ALG14: variants seen among roughly 807,000 people sequenced by gnomAD.
ALG14 encodes the protein ALG14 UDP-N-acetylglucosaminyltransferase subunit.
A neutral mutation model predicts 22.8 loss-of-function variants in ALG14; 17 were observed. The ratio of observed to expected loss-of-function variants is 0.75; its 90% confidence interval spans 0.51 to 1.12. The LOEUF is 1.12. Among genes scored for constraint, ALG14 ranks in the 50% most tolerant of loss-of-function variants. ALG14 has a pLI of 0.00. For synonymous variants in ALG14, 89 were observed against 103.7 expected (o/e 0.86, Z 0.86); for missense variants, 288 against 271.8 (o/e 1.06, Z -0.42).
intron 3 of ALG14, among the ~76,000 whole-genome samples, chr1:94,988,493 T>C (rs536259259): frequency 2.8e-4 from 43 of 152,230 alleles, no homozygotes; most frequent in Admixed American, 1.6e-3. Context: ...CAGTGAGTCA[T>C]TGGACCAAAA....
rs1433286151 is a variant in ALG14, at chr1:94,975,714, C to T, written c.*7362G>A. ...TTGCTGCCCTTAGTTTAAAAAGAGC[C>T]TCCTGGCCGGGCGCAGTGGCTCACG... On this transcript the variant is annotated 3_prime_UTR_variant, in exon 4 of 4. Transcript: ENST00000370205. 6.6e-6 allele frequency: 1 copy of T among 152,186 alleles called. No individual in the cohort carries two copies. Among genetic ancestry groups the T allele is most frequent in the Admixed American group, 6.6e-5 (1 of 15,264 alleles). 9.4% of individuals were successfully genotyped at this position (152,186 alleles called of 1,614,324 possible). A position where few individuals can be genotyped will look rare whatever the true frequency, so the allele number is the denominator to read the frequency against.
chr1:95,060,864 G>A (rs1675123386), intron 2 of ALG14, among the ~76,000 whole-genome samples: 1 of 152,172 alleles, frequency 6.6e-6, no homozygotes, highest in African/African-American at 2.4e-5. Context: ...TGTCCACCTG[G>A]AATCTATGAA....
At chr1:95,003,988 G>A (rs1437469736) in intron 3 of ALG14, among the ~76,000 whole-genome samples, 1 of 152,052 alleles carries the variant, frequency 6.6e-6, no homozygotes, top group Non-Finnish European at 1.5e-5. Context: ...TGAGGTGTTG[G>A]ATAGATACAA....
intron 3 of ALG14, among the ~76,000 whole-genome samples, chr1:94,994,660 C>G (rs2100725645): frequency 6.6e-6 from 1 of 152,276 alleles, no homozygotes; most frequent in African/African-American, 2.4e-5. Context: ...CAAACCCAAG[C>G]TTTTTGAAGA....
At chr1:95,057,664 A>G (rs1309781954) in intron 2 of ALG14, among the ~76,000 whole-genome samples, 2 of 151,080 alleles carry the variant, frequency 1.3e-5, no homozygotes, top group Non-Finnish European at 2.9e-5. Flanking sequence ...ATATATACAT[A>G]TGACCTATAT....
intron 3 of ALG14, among the ~76,000 whole-genome samples, chr1:95,016,109 A>G (rs1311895550): frequency 6.6e-6 from 1 of 152,220 alleles, no homozygotes; most frequent in Admixed American, 6.5e-5. Context: ...CAAATGGTAG[A>G]GTGGCAGACC....
At chr1:95,062,217 A>C (rs1675187410) in intron 2 of ALG14, 2 of 152,238 alleles carry the variant, frequency 1.3e-5, no homozygotes, top group Non-Finnish European at 2.9e-5. Context: ...AATTTTCACT[A>C]TTGGAATTCA....
chr1:95,027,706 G>A (rs991310265), intron 2 of ALG14, among the ~76,000 whole-genome samples: 8 of 152,168 alleles, frequency 5.3e-5, no homozygotes, highest in Non-Finnish European at 1.0e-4. Flanking sequence ...AGTCATTTTC[G>A]CCTACCTGAT....
At chr1:95,004,215 CTTTTTTTTTTTTT>C (rs869303546) in intron 3 of ALG14, among the ~76,000 whole-genome samples, 2 of 117,088 alleles carry the variant, frequency 1.7e-5, no homozygotes, top group African/African-American at 3.4e-5. Context: ...GGGTAATTAA[CTTTTTTTTTTTTT>C]TTTTTTTTTT....
In ALG14 at chr1:95,011,430, C is replaced by CT. The variant is rs1389887684; in HGVS notation, c.420+15698dup. Among the ~76,000 whole-genome samples the CT allele has an allele frequency of 6.4e-3, 935 of 144,974 alleles. 8 individuals carry two copies. The highest frequency in any genetic ancestry group is 0.022 in the Admixed American group (312 of 14,464). ...CTGTGAGAAATAAATTTCTTTCTTT[C>CT]TTTTTTTTTTTTTGAGACAGAGTCT... is the stretch of plus-strand genomic sequence containing the variant. On this transcript the variant is annotated intron_variant, in intron 3 of 3. Transcript: ENST00000370205.
At chr1:94,996,502 A>G (rs1672912386) in intron 3 of ALG14, among the ~76,000 whole-genome samples, 1 of 152,154 alleles carries the variant, frequency 6.6e-6, no homozygotes, top group Admixed American at 6.5e-5. Context: ...GGGGCTTTTC[A>G]GTGAGCCTGA....
At chr1:94,999,965 C>T (rs906672901) in intron 3 of ALG14, among the ~76,000 whole-genome samples, 4 of 152,178 alleles carry the variant, frequency 2.6e-5, no homozygotes, top group Non-Finnish European at 5.9e-5. Flanking sequence ...AGCCCCAACC[C>T]CTCCTGCTCC....
intron 3 of ALG14, among the ~76,000 whole-genome samples, chr1:94,987,100 T>C (rs1293215821): frequency 6.6e-6 from 1 of 152,126 alleles, no homozygotes; most frequent in Admixed American, 6.5e-5. Flanking sequence ...TTTGCCACCA[T>C]GTAGAGAGCT....
chr1:94,988,097 G>C (rs537321714), intron 3 of ALG14, among the ~76,000 whole-genome samples: 2 of 152,256 alleles, frequency 1.3e-5, no homozygotes, highest in East Asian at 3.9e-4. Context: ...GGCTGGCTCG[G>C]GTAGGTAGCC....
intron 2 of ALG14, among the ~76,000 whole-genome samples, chr1:95,062,449 C>A (rs181148417): frequency 7.2e-5 from 11 of 152,246 alleles, no homozygotes; most frequent in African/African-American, 2.6e-4. Context: ...TCTACCTCCC[C>A]CAACCCCTCC....
chr1:95,019,181 T>C (rs1673586617), intron 3 of ALG14, among the ~76,000 whole-genome samples: 1 of 152,232 alleles, frequency 6.6e-6, no homozygotes, highest in East Asian at 1.9e-4. Flanking sequence ...CTACAGCTGA[T>C]TCCACTGCAG....
intron 2 of ALG14, among the ~76,000 whole-genome samples, chr1:95,042,066 G>A (rs1162285910): frequency 6.6e-6 from 1 of 151,974 alleles, no homozygotes; most frequent in East Asian, 1.9e-4. Context: ...TTTCATATTA[G>A]TAGGTTTTTA....
chr1:95,069,447 T>G (rs2100850313), intron 1 of ALG14, among the ~76,000 whole-genome samples: 1 of 152,362 alleles, frequency 6.6e-6, no homozygotes, highest in East Asian at 1.9e-4. Flanking sequence ...GGGGAAAAGC[T>G]AAGCCCTGGA....
At chr1:95,045,131 G>C (rs1048457683) in intron 2 of ALG14, among the ~76,000 whole-genome samples, 1 of 152,156 alleles carries the variant, frequency 6.6e-6, no homozygotes, top group Non-Finnish European at 1.5e-5. Flanking sequence ...ATATAAGGAA[G>C]TGATTGAGTT....
Sources: allele counts gnomAD v4.1 joint callset (sites outside exome capture counted in the v4.1 genomes callset), GRCh38; gene constraint gnomAD v4.1.1; transcripts MANE v1.5; gene names NCBI Gene and HGNC (gene_info 2026-07-23, HGNC 2026-07-21).